MSRA: variants seen among roughly 807,000 people sequenced by gnomAD.
MSRA encodes the protein mitochondrial peptide methionine sulfoxide reductase.
Under a neutral mutation model 31.3 loss-of-function variants are expected in MSRA, and 54 were observed. The observed-to-expected ratio is 1.73, with a 90% CI of 1.39 to 2.17. The LOEUF is 2.17. Ranked by LOEUF, MSRA falls within the 30% of genes most tolerant of loss-of-function variation. The pLI, the probability that MSRA is intolerant of heterozygous loss-of-function variation, is 0.00. For missense variants in MSRA, 507 were observed against 300.9 expected, an observed-to-expected ratio of 1.69 and a Z score of -5.07; for synonymous variants, 169 against 116.5, an observed-to-expected ratio of 1.45 and a Z score of -2.90.
intron 1 of MSRA, among the ~76,000 whole-genome samples, chr8:10,156,682 T>G (rs1041494879): frequency 6.6e-6 from 1 of 152,108 alleles, no homozygotes; most frequent in Admixed American, 6.6e-5. Flanking sequence ...ATATTCTTCC[T>G]CCACTGCCCC....
At chr8:10,160,574 G>GT (rs1225256302) in intron 1 of MSRA, among the ~76,000 whole-genome samples, 3 of 151,302 alleles carry the variant, frequency 2.0e-5, no homozygotes, top group African/African-American at 7.3e-5. Context: ...TATTTTTTCC[G>GT]TTTCATGAAT....
chr8:10,281,994 A>G (rs1427970336), intron 3 of MSRA, among the ~76,000 whole-genome samples: 1 of 152,176 alleles, frequency 6.6e-6, no homozygotes, highest in Non-Finnish European at 1.5e-5. Context: ...GTGGAGGGTT[A>G]TAGTTTTGTG....
chr8:10,084,680 T>C (rs951189291), intron 1 of MSRA, among the ~76,000 whole-genome samples: 1 of 152,186 alleles, frequency 6.6e-6, no homozygotes, highest in Non-Finnish European at 1.5e-5. Context: ...GAGGTAGGTA[T>C]TATTTTATGA....
At chr8:10,288,128 A>AT (rs558779935) in intron 3 of MSRA, among the ~76,000 whole-genome samples, 1 of 152,196 alleles carries the variant, frequency 6.6e-6, no homozygotes, top group Non-Finnish European at 1.5e-5. Flanking sequence ...TTTGGTCACC[A>AT]TTTTGATTGT....
At chr8:10,219,210 T>C (rs1201858158) in intron 2 of MSRA, among the ~76,000 whole-genome samples, 1 of 152,204 alleles carries the variant, frequency 6.6e-6, no homozygotes, top group Non-Finnish European at 1.5e-5. Flanking sequence ...GATTAACAGC[T>C]GGGCCATTTC....
intron 2 of MSRA, among the ~76,000 whole-genome samples, chr8:10,225,932 C>A (rs1014922839): frequency 1.3e-5 from 2 of 152,138 alleles, no homozygotes; most frequent in East Asian, 1.9e-4. Flanking sequence ...GCCAGAAAGA[C>A]GTAAGGTGTA....
intron 5 of MSRA, among the ~76,000 whole-genome samples, chr8:10,388,212 G>C (rs1237268662): frequency 3.3e-5 from 5 of 152,176 alleles, no homozygotes; most frequent in Non-Finnish European, 7.3e-5. Context: ...AGAAGGTTAT[G>C]GGGGAGGCAA....
At chr8:10,284,024 G>C (rs1799799496) in intron 3 of MSRA, among the ~76,000 whole-genome samples, 1 of 151,464 alleles carries the variant, frequency 6.6e-6, no homozygotes, top group Admixed American at 6.6e-5. Context: ...GCCAGTAGTG[G>C]GATTGCTGGA....
intron 1 of MSRA, among the ~76,000 whole-genome samples, chr8:10,190,096 G>C (rs1807378565): frequency 6.6e-6 from 1 of 152,098 alleles, no homozygotes; most frequent in Admixed American, 6.6e-5. Context: ...AATGTCCTTG[G>C]TGTTTCTTGT....
At chr8:10,384,699 G>A (rs1390362111) in intron 5 of MSRA, among the ~76,000 whole-genome samples, 2 of 152,128 alleles carry the variant, frequency 1.3e-5, no homozygotes, top group Non-Finnish European at 2.9e-5. Flanking sequence ...AGTCCTATTT[G>A]GAGAACTGTT....
At chr8:10,160,370 C>G (rs922268582) in intron 1 of MSRA, among the ~76,000 whole-genome samples, 2 of 151,994 alleles carry the variant, frequency 1.3e-5, no homozygotes, top group African/African-American at 4.8e-5. Context: ...TGGTGGGCCC[C>G]TGTAGTCCCA....
intron 1 of MSRA, among the ~76,000 whole-genome samples, chr8:10,142,928 A>G (rs1479771121): frequency 6.6e-6 from 1 of 152,200 alleles, no homozygotes; most frequent in African/African-American, 2.4e-5. Context: ...AAAATTAAAC[A>G]TTCTTCAGAA....
chr8:10,142,718 T>C (rs1042481745), intron 1 of MSRA, among the ~76,000 whole-genome samples: 2 of 152,202 alleles, frequency 1.3e-5, no homozygotes, highest in African/African-American at 4.8e-5. Context: ...TGCTTAAATG[T>C]AGTAGATTTT....
intron 5 of MSRA, among the ~76,000 whole-genome samples, chr8:10,355,895 G>A (rs990740032): frequency 4.6e-5 from 7 of 152,264 alleles, no homozygotes; most frequent in South Asian, 2.1e-4. Context: ...CATAGGCACC[G>A]GGCTCCTGGA....
At chr8:10,219,806 CAAAAAAA>C (rs59393980) in intron 2 of MSRA, among the ~76,000 whole-genome samples, 5 of 57,116 alleles carry the variant, frequency 8.8e-5, no homozygotes, top group Admixed American at 2.4e-4. Flanking sequence ...ACTCTGTCTC[CAAAAAAA>C]AAAAAAAAAA....
At chr8:10,165,521 T>A (rs1158847040) in intron 1 of MSRA, among the ~76,000 whole-genome samples, 1 of 152,096 alleles carries the variant, frequency 6.6e-6, no homozygotes, top group Non-Finnish European at 1.5e-5. Context: ...AAGACCAGGC[T>A]GGGTGGGGAG....
rs1449173832 is a variant in MSRA at position 10,428,506 on chromosome 8, A to G, written c.*194A>G. ...GATAAAATGTGACTTATCTCCTAAT[A>G]AGTTATGGTGGGAGTGGAGCTGTGC... On this transcript the variant is annotated 3_prime_UTR_variant, in exon 6 of 6. Coordinates refer to ENST00000317173, the MANE Select transcript of MSRA (RefSeq NM_012331.5). 1 of 588,996 alleles carries G rather than the reference A, an allele frequency of 1.7e-6. No individual in the cohort carries two copies. The highest frequency in any genetic ancestry group is 1.9e-5 in the African/African-American group (1 of 53,390). The allele number at this position is 588,996 out of a possible 1,614,324, so 36.5% of individuals were successfully genotyped here. A position where few individuals can be genotyped will look rare whatever the true frequency, so the allele number is the denominator to read the frequency against.
At chr8:10,337,676 A>G (rs1368984213) in intron 5 of MSRA, 5 of 699,172 alleles carry the variant, frequency 7.2e-6, no homozygotes, top group African/African-American at 5.3e-5. Flanking sequence ...ATGATTTTTC[A>G]TCTTGAACCT....
At chr8:10,369,270 A>G (rs964301604) in intron 5 of MSRA, among the ~76,000 whole-genome samples, 2 of 151,922 alleles carry the variant, frequency 1.3e-5, no homozygotes, top group East Asian at 1.9e-4. Context: ...AAAAACGAAG[A>G]AGAAATTATC....
Sources: gnomAD v4.1 joint callset for allele counts (sites outside exome capture counted in the v4.1 genomes callset) on GRCh38, gnomAD v4.1.1 for gene constraint, MANE v1.5 for transcripts, NCBI Gene and HGNC (gene_info 2026-07-23, HGNC 2026-07-21) for gene names.